TNR: variants seen among roughly 807,000 people sequenced by gnomAD.
TNR encodes tenascin-R.
Under a neutral mutation model 150.4 loss-of-function variants are expected in TNR, and 45 were observed. The observed-to-expected ratio is 0.30, with a 90% CI of 0.24 to 0.38. TNR has a LOEUF of 0.38. Among genes scored for constraint, TNR ranks in the 10% least tolerant of loss-of-function variants. The pLI is 1.00. For synonymous variants in TNR, 687 were observed against 678.4 expected (o/e 1.01, Z -0.20); for missense variants, 1,544 against 1,759.1 (o/e 0.88, Z 2.19).
At chr1:175,548,566 T>C (rs912357972) in intron 1 of TNR, among the ~76,000 whole-genome samples, 1 of 151,746 alleles carries the variant, frequency 6.6e-6, no homozygotes, top group African/African-American at 2.4e-5. Flanking sequence ...CCCTGTAATC[T>C]AAGACCAAAT....
chr1:175,549,573 G>C (rs1230359821), intron 1 of TNR, among the ~76,000 whole-genome samples: 2 of 152,182 alleles, frequency 1.3e-5, no homozygotes, highest in African/African-American at 4.8e-5. Context: ...TTGGTGTTAA[G>C]ACAGAAAGAT....
chr1:175,558,039 G>T (rs1182901303), intron 1 of TNR, among the ~76,000 whole-genome samples: 2 of 114,772 alleles, frequency 1.7e-5, no homozygotes, highest in Admixed American at 1.9e-4. Context: ...ACCAAACACC[G>T]CATATTCTCA....
intron 2 of TNR, among the ~76,000 whole-genome samples, chr1:175,502,281 T>C (rs1039941185): frequency 6.6e-6 from 1 of 152,184 alleles, no homozygotes; most frequent in Admixed American, 6.5e-5. Context: ...ATGTGCAGAA[T>C]GCTGGAGTGC....
intron 18 of TNR, among the ~76,000 whole-genome samples, chr1:175,343,336 G>A (rs2027866): frequency 0.053 from 7,989 of 152,082 alleles, 688 homozygotes; most frequent in African/African-American, 0.18. Flanking sequence ...GTAATTACTC[G>A]TCCCTAGGCC....
In TNR at chr1:175,326,297, C is replaced by CT. The variant is rs376460431; in HGVS notation, c.3794-1779dup. On this transcript the variant is annotated intron_variant, in intron 21 of 22. Transcript: ENST00000367674. ...GATGTTGTGAAGGGGGCTCATGCTA[C>CT]TTATTGAATGAAAGAGGTCTTGGGT... Among the ~76,000 whole-genome samples, 140 of 152,188 alleles carry CT rather than the reference C, an allele frequency of 9.2e-4. 2 individuals carry two copies. The highest frequency in any genetic ancestry group is 3.2e-3 in the African/African-American group (134 of 41,526).
chr1:175,413,813 A>G (rs1425311241), intron 2 of TNR, among the ~76,000 whole-genome samples: 2 of 152,210 alleles, frequency 1.3e-5, no homozygotes, highest in African/African-American at 2.4e-5. Context: ...CAAAACCCTC[A>G]TGAATGGGAT....
At chr1:175,580,436 A>C (rs1045101976) in intron 1 of TNR, among the ~76,000 whole-genome samples, 2 of 152,224 alleles carry the variant, frequency 1.3e-5, no homozygotes, top group Admixed American at 1.3e-4. Flanking sequence ...GAGGGCTGTC[A>C]TTCAAAGCAA....
chr1:175,445,462 C>G (rs1036982174), intron 2 of TNR, among the ~76,000 whole-genome samples: 6 of 152,008 alleles, frequency 3.9e-5, no homozygotes, highest in Admixed American at 3.3e-4. Context: ...ATTTCTTGGT[C>G]TCTCTGTGAA....
At chr1:175,480,162 C>T (rs900275218) in intron 2 of TNR, among the ~76,000 whole-genome samples, 9 of 152,074 alleles carry the variant, frequency 5.9e-5, no homozygotes, top group African/African-American at 1.9e-4. Flanking sequence ...GCTCCATTCT[C>T]CAGCTGCATA....
chr1:175,547,319 G>A (rs183219513), intron 1 of TNR, among the ~76,000 whole-genome samples: 165 of 144,086 alleles, frequency 1.1e-3, no homozygotes, highest in African/African-American at 4.0e-3. Context: ...TGGGACTGTC[G>A]CCACCCTCCT....
At chr1:175,435,679 C>T (rs1435798175) in intron 2 of TNR, among the ~76,000 whole-genome samples, 1 of 152,116 alleles carries the variant, frequency 6.6e-6, no homozygotes, top group Non-Finnish European at 1.5e-5. Context: ...TTAGACAGTT[C>T]ATTGATGTTA....
At chr1:175,604,374 C>T (rs1241059248) in intron 1 of TNR, among the ~76,000 whole-genome samples, 1 of 152,160 alleles carries the variant, frequency 6.6e-6, no homozygotes, top group East Asian at 1.9e-4. Context: ...AAGTAAGTTA[C>T]ATCAAAGACC....
At chr1:175,623,815 C>A (rs1379611723) in intron 1 of TNR, among the ~76,000 whole-genome samples, 1 of 152,218 alleles carries the variant, frequency 6.6e-6, no homozygotes, top group Admixed American at 6.5e-5. Context: ...TCCTATCCCC[C>A]CATACTACAG....
intron 1 of TNR, among the ~76,000 whole-genome samples, chr1:175,631,632 T>C (rs1664330619): frequency 6.6e-6 from 1 of 152,166 alleles, no homozygotes; most frequent in Non-Finnish European, 1.5e-5. Context: ...TGCAGGGTAA[T>C]GTGTAGTGAA....
intron 2 of TNR, among the ~76,000 whole-genome samples, chr1:175,519,429 T>G (rs1303705697): frequency 6.6e-6 from 1 of 152,220 alleles, no homozygotes; most frequent in Admixed American, 6.5e-5. Context: ...CAGGTGTGGT[T>G]GATTGAAGGA....
rs561613504 is a variant in TNR, at chr1:175,565,569, C to T, written c.-164-37200G>A. Among the ~76,000 whole-genome samples the T allele has an allele frequency of 3.9e-5, 6 of 152,248 alleles. No homozygotes were observed. The South Asian group carries it at 8.3e-4, about 21-fold the overall frequency. On this transcript the variant is annotated intron_variant, in intron 1 of 22. Coordinates refer to ENST00000367674, the MANE Select transcript of TNR (RefSeq NM_003285.3). ...CCCCTGAGTGAGGGTGCAGGGAAAT[C>T]GGAACACTTATACATTGTTGGCATA...
At chr1:175,627,266 G>T (rs1664183148) in intron 1 of TNR, among the ~76,000 whole-genome samples, 1 of 152,178 alleles carries the variant, frequency 6.6e-6, no homozygotes, top group Non-Finnish European at 1.5e-5. Context: ...GCCCTGTGTT[G>T]TTCAAACTTT....
In TNR at chr1:175,709,522, A is replaced by G. The variant is rs147272859; in HGVS notation, c.-165+33704T>C. 1.6e-3 allele frequency among the ~76,000 whole-genome samples: 242 copies of G among 152,348 alleles called. 2 individuals carry two copies. The highest frequency in any genetic ancestry group is 5.6e-3 in the African/African-American group (233 of 41,582). Reference sequence around the variant, plus strand: ...TGCTAAAGGCAGGGAAGTAAAACACATGTGTTGTAAAAAGAAATCATTTTG... The same window carrying G: ...TGCTAAAGGCAGGGAAGTAAAACACGTGTGTTGTAAAAAGAAATCATTTTG... On this transcript the variant is annotated intron_variant, in intron 1 of 22. Transcript: ENST00000367674.
chr1:175,695,314 A>G (rs761709222), intron 1 of TNR, among the ~76,000 whole-genome samples: 1 of 152,302 alleles, frequency 6.6e-6, no homozygotes, highest in Non-Finnish European at 1.5e-5. Context: ...GATCCTGTAC[A>G]CAGATTCTGT....
Sources: gnomAD v4.1 joint callset for allele counts (sites outside exome capture counted in the v4.1 genomes callset) on GRCh38, gnomAD v4.1.1 for gene constraint, MANE v1.5 for transcripts, NCBI Gene and HGNC (gene_info 2026-07-23, HGNC 2026-07-21) for gene names.